Variants in TMEM178B observed in about 807,000 individuals in gnomAD.
The protein encoded by TMEM178B is transmembrane protein 178B.
Under a neutral mutation model 31.0 loss-of-function variants are expected in TMEM178B, and 5 were observed. The observed-to-expected ratio is 0.16, with a 90% CI of 0.08 to 0.34. The LOEUF is 0.34. Ranked by LOEUF, TMEM178B falls within the 10% of genes least tolerant of loss-of-function variation. The pLI, the probability that TMEM178B is intolerant of heterozygous loss-of-function variation, is 1.00. For synonymous variants in TMEM178B, 164 were observed against 164.0 expected, an observed-to-expected ratio of 1.00 and a Z score of 0.00; for missense variants, 275 against 400.3, an observed-to-expected ratio of 0.69 and a Z score of 2.67.
At chr7:141,268,993 G>A (rs1264410499) in intron 2 of TMEM178B, among the ~76,000 whole-genome samples, 2 of 152,110 alleles carry the variant, frequency 1.3e-5, no homozygotes, top group East Asian at 1.9e-4. Context: ...ATCCTTCAAG[G>A]GGGTTTTGCA....
Position 141,428,387 on chromosome 7 carries a change from A to AG in TMEM178B, c.497-9221_497-9220insG, listed in dbSNP as rs1275466671. 2.6e-3 allele frequency among the ~76,000 whole-genome samples: 368 copies of AG among 143,964 alleles called. 10 individuals carry two copies. The highest frequency in any genetic ancestry group is 9.2e-3 in the African/African-American group (348 of 37,746). The allele number at this position is 143,964 out of a possible 152,430, so 94.4% of individuals were successfully genotyped here. A position where few individuals can be genotyped will look rare whatever the true frequency, so the allele number is the denominator to read the frequency against. On this transcript the variant is annotated intron_variant, in intron 2 of 3. Coordinates refer to ENST00000565468, the MANE Select transcript of TMEM178B (RefSeq NM_001195278.2). Reference sequence around the variant, plus strand: ...CCACCTCAAAAAAAAAAAAAAAAGAAAAAAAGAAAAGGAAAGAAAAAGAAA... The same window carrying AG: ...CCACCTCAAAAAAAAAAAAAAAAGAAGAAAAAGAAAAGGAAAGAAAAAGAAA...
At chr7:141,333,442 A>G (rs1799330291) in intron 2 of TMEM178B, among the ~76,000 whole-genome samples, 1 of 152,232 alleles carries the variant, frequency 6.6e-6, no homozygotes, top group African/African-American at 2.4e-5. Context: ...AATTGTTGTT[A>G]GGAGCTGAAT....
At chr7:141,245,999 A>ATT (rs35792990) in intron 2 of TMEM178B, among the ~76,000 whole-genome samples, 1 of 148,548 alleles carries the variant, frequency 6.7e-6, no homozygotes, top group South Asian at 2.1e-4. Flanking sequence ...AAATGATGCG[A>ATT]TTTTTTTTTT....
chr7:141,111,040 A>ATGGT (rs1795226903), intron 1 of TMEM178B, among the ~76,000 whole-genome samples: 1 of 152,286 alleles, frequency 6.6e-6, no homozygotes. Context: ...CACGCAGTCT[A>ATGGT]TGGTCTTTTG....
At chr7:141,220,349 AT>A (rs1439982947) in intron 2 of TMEM178B, among the ~76,000 whole-genome samples, 13 of 138,232 alleles carry the variant, frequency 9.4e-5, no homozygotes, top group Admixed American at 2.1e-4. Flanking sequence ...AATAATAATA[AT>A]AATAATAATA....
chr7:141,370,686 C>G (rs1391577758), intron 2 of TMEM178B, among the ~76,000 whole-genome samples: 1 of 152,224 alleles, frequency 6.6e-6, no homozygotes, highest in Non-Finnish European at 1.5e-5. Flanking sequence ...GGCTCTGTGA[C>G]ATTTGCCAAT....
At chr7:141,227,430 G>A (rs773811577) in intron 2 of TMEM178B, among the ~76,000 whole-genome samples, 1 of 152,202 alleles carries the variant, frequency 6.6e-6, no homozygotes, top group African/African-American at 2.4e-5. Flanking sequence ...GATGTGCAGA[G>A]GCTGTGCTAA....
intron 1 of TMEM178B, among the ~76,000 whole-genome samples, chr7:141,117,216 G>A (rs554399601): frequency 1.6e-4 from 25 of 152,312 alleles, no homozygotes; most frequent in South Asian, 6.2e-4. Flanking sequence ...TCTAACTGGC[G>A]TGAGATGGTA....
intron 2 of TMEM178B, among the ~76,000 whole-genome samples, chr7:141,310,912 A>G (rs546678196): frequency 1.3e-5 from 2 of 152,250 alleles, no homozygotes; most frequent in Admixed American, 6.5e-5. Context: ...ATGCCCATCA[A>G]TCATAGACCA....
At chr7:141,402,500 C>T (rs1586937239) in intron 2 of TMEM178B, among the ~76,000 whole-genome samples, 1 of 152,210 alleles carries the variant, frequency 6.6e-6, no homozygotes. Context: ...TCTGGCTGTG[C>T]AGCTGGTATA....
chr7:141,307,649 T>C (rs1381435572), intron 2 of TMEM178B, among the ~76,000 whole-genome samples: 1 of 152,220 alleles, frequency 6.6e-6, no homozygotes, highest in Non-Finnish European at 1.5e-5. Context: ...ACTCTCCCCA[T>C]AAGGACAGAG....
chr7:141,327,916 C>T (rs561097008), intron 2 of TMEM178B, among the ~76,000 whole-genome samples: 4 of 152,240 alleles, frequency 2.6e-5, no homozygotes, highest in South Asian at 4.2e-4. Flanking sequence ...GTCAGTAACA[C>T]GTTGGAGAGG....
intron 2 of TMEM178B, among the ~76,000 whole-genome samples, chr7:141,407,114 A>G (rs565548032): frequency 3.5e-4 from 54 of 152,312 alleles, no homozygotes; most frequent in African/African-American, 1.3e-3. Context: ...TTCATGCTAC[A>G]GTGGCAGAGT....
chr7:141,221,595 T>C (rs1218938693), intron 2 of TMEM178B, among the ~76,000 whole-genome samples: 1 of 152,188 alleles, frequency 6.6e-6, no homozygotes, highest in Non-Finnish European at 1.5e-5. Flanking sequence ...CAATGGTGGC[T>C]GAGAGAGTAG....
chr7:141,323,072 T>G lies in TMEM178B; in HGVS notation c.496+110368T>G, dbSNP rs148225532. ...AGTTGTCAAATAGCTTCTGGAAGGT[T>G]GAACTGAAATGGTTTGAATGCTGCT... On this transcript the variant is annotated intron_variant, in intron 2 of 3. Coordinates refer to ENST00000565468, the MANE Select transcript of TMEM178B (RefSeq NM_001195278.2). Among the ~76,000 whole-genome samples the G allele has an allele frequency of 3.9e-3, 599 of 152,334 alleles. 2 individuals are homozygous for G. Among genetic ancestry groups the G allele is most frequent in the African/African-American group, 0.014 (573 of 41,576 alleles).
At chr7:141,372,315 C>T (rs917721833) in intron 2 of TMEM178B, among the ~76,000 whole-genome samples, 1 of 152,162 alleles carries the variant, frequency 6.6e-6, no homozygotes, top group African/African-American at 2.4e-5. Flanking sequence ...CCTCTCCTCG[C>T]TGTCTCTGCT....
intron 2 of TMEM178B, among the ~76,000 whole-genome samples, chr7:141,408,060 C>T (rs1431262167): frequency 2.6e-5 from 4 of 152,102 alleles, no homozygotes; most frequent in Admixed American, 6.6e-5. Context: ...CTGACTGGGC[C>T]TCATCCCTGC....
At chr7:141,355,638 TG>T (rs1463003943) in intron 2 of TMEM178B, among the ~76,000 whole-genome samples, 3 of 152,238 alleles carry the variant, frequency 2.0e-5, no homozygotes, top group African/African-American at 7.2e-5. Flanking sequence ...AGGTTAGGGT[TG>T]TTTTTTCTGC....
At chr7:141,464,111 T>A (rs956391437) in intron 3 of TMEM178B, among the ~76,000 whole-genome samples, 4 of 152,088 alleles carry the variant, frequency 2.6e-5, no homozygotes, top group Non-Finnish European at 5.9e-5. Flanking sequence ...TAGTAAGTGT[T>A]GTCTGCGAGC....
Sources: allele counts gnomAD v4.1 joint callset (sites outside exome capture counted in the v4.1 genomes callset), GRCh38; gene constraint gnomAD v4.1.1; transcripts MANE v1.5; gene names NCBI Gene and HGNC (gene_info 2026-07-23, HGNC 2026-07-21).